The following ERC2 variants were observed in gnomAD, a reference collection of about 807,000 sequenced individuals.
The protein encoded by ERC2 is ERC protein 2.
A neutral mutation model predicts 114.8 loss-of-function variants in ERC2; 42 were observed. The ratio of observed to expected loss-of-function variants is 0.37; its 90% CI spans 0.29 to 0.47. ERC2 has a LOEUF of 0.47. Ranked by LOEUF, ERC2 falls within the 20% of genes least tolerant of loss-of-function variation. The pLI, the probability that ERC2 is intolerant of heterozygous loss-of-function variation, is 0.99. For missense variants in ERC2, 939 were observed against 1,150.7 expected (o/e 0.82, Z 2.66); for synonymous variants, 454 against 425.5 (o/e 1.07, Z -0.82).
intron 14 of ERC2, among the ~76,000 whole-genome samples, chr3:55,875,326 C>T (rs1300777656): frequency 2.0e-5 from 3 of 152,220 alleles, no homozygotes; most frequent in Non-Finnish European, 4.4e-5. Flanking sequence ...GTTATCATAA[C>T]TGCATGCTGG....
At chr3:55,718,076 T>A (rs1212663893) in intron 15 of ERC2, among the ~76,000 whole-genome samples, 1 of 152,172 alleles carries the variant, frequency 6.6e-6, no homozygotes, top group Non-Finnish European at 1.5e-5. Context: ...TCAGGCTTTT[T>A]TATGTGACCG....
intron 14 of ERC2, among the ~76,000 whole-genome samples, chr3:55,868,637 A>G (rs754455735): frequency 6.6e-6 from 1 of 152,126 alleles, no homozygotes; most frequent in Non-Finnish European, 1.5e-5. Context: ...ACACCATACC[A>G]TTCCATAATT....
intron 7 of ERC2, among the ~76,000 whole-genome samples, chr3:56,037,013 A>G (rs555728892): frequency 6.6e-6 from 1 of 152,330 alleles, no homozygotes; most frequent in African/African-American, 2.4e-5. Context: ...ACGTCAATAA[A>G]AAAGCCCCTA....
At chr3:55,800,582 G>A (rs2070965154) in intron 14 of ERC2, among the ~76,000 whole-genome samples, 1 of 152,018 alleles carries the variant, frequency 6.6e-6, no homozygotes. Flanking sequence ...AATGACACAA[G>A]ACCTAAGGTG....
At chr3:55,778,509 C>T (rs886167468) in intron 14 of ERC2, among the ~76,000 whole-genome samples, 1 of 152,032 alleles carries the variant, frequency 6.6e-6, no homozygotes, top group Non-Finnish European at 1.5e-5. Flanking sequence ...AATCCAGATG[C>T]TATAAAGGAA....
intron 4 of ERC2, among the ~76,000 whole-genome samples, chr3:56,155,031 GGAAGTTTCCAGAATAACA>G (rs1192170096): frequency 6.6e-6 from 1 of 152,174 alleles, no homozygotes; most frequent in Non-Finnish European, 1.5e-5. Context: ...GTGGCTACAT[GGAAGTTTCCAGAATAACA>G]GCTAAAACAC....
At chr3:56,137,755 G>C (rs1356907736) in intron 6 of ERC2, among the ~76,000 whole-genome samples, 1 of 152,186 alleles carries the variant, frequency 6.6e-6, no homozygotes, top group Non-Finnish European at 1.5e-5. Context: ...TTCTCTAGCT[G>C]TGCTGTCTAA....
chr3:56,266,381 C>T (rs1219314054), intron 3 of ERC2, among the ~76,000 whole-genome samples: 10 of 151,978 alleles, frequency 6.6e-5, no homozygotes, highest in African/African-American at 1.2e-4. Flanking sequence ...CCACCCGCCT[C>T]GGCCTCCCAA....
chr3:56,174,534 C>T (rs1181281178), intron 3 of ERC2, among the ~76,000 whole-genome samples: 1 of 152,160 alleles, frequency 6.6e-6, no homozygotes, highest in Non-Finnish European at 1.5e-5. Flanking sequence ...TAGTTCTAGA[C>T]TTTCAGAACC....
chr3:56,158,291 C>T (rs756017754), intron 4 of ERC2, among the ~76,000 whole-genome samples: 22 of 152,012 alleles, frequency 1.4e-4, no homozygotes, highest in Non-Finnish European at 2.6e-4. Flanking sequence ...CATTTATTAT[C>T]CCATAGACCT....
chr3:55,963,569 A>G (rs2068539622), intron 12 of ERC2, among the ~76,000 whole-genome samples: 1 of 152,180 alleles, frequency 6.6e-6, no homozygotes, highest in African/African-American at 2.4e-5. Flanking sequence ...CCCACCTCAT[A>G]TCTCCTCTTT....
At chr3:56,340,046 G>A (rs1398169041) in intron 2 of ERC2, among the ~76,000 whole-genome samples, 1 of 152,120 alleles carries the variant, frequency 6.6e-6, no homozygotes, top group East Asian at 1.9e-4. Context: ...GCATCACAAA[G>A]CATACTTTAT....
At chr3:56,245,563 A>G (rs924295860) in intron 3 of ERC2, among the ~76,000 whole-genome samples, 1 of 150,514 alleles carries the variant, frequency 6.6e-6, no homozygotes, top group African/African-American at 2.4e-5. Flanking sequence ...TAGTCATATG[A>G]TTATTATTTT....
intron 13 of ERC2, among the ~76,000 whole-genome samples, chr3:55,929,181 G>A (rs1189922108): frequency 6.6e-6 from 1 of 152,102 alleles, no homozygotes; most frequent in Non-Finnish European, 1.5e-5. Flanking sequence ...AAGCCACAGG[G>A]ACTGGGAAAA....
rs1560057093 is a variant in ERC2 at position 56,032,967 on chromosome 3, A to AAC, written c.1642-13937_1642-13936insGT. Among the ~76,000 whole-genome samples the AAC allele has an allele frequency of 2.7e-3, 276 of 103,406 alleles. 3 individuals are homozygous for AAC. The highest frequency in any genetic ancestry group is 7.4e-3 in the African/African-American group (214 of 28,830). 67.8% of individuals were successfully genotyped at this position (103,406 alleles called of 152,430 possible). On this transcript the variant is annotated intron_variant, in intron 7 of 17. Coordinates refer to ENST00000288221, the MANE Select transcript of ERC2 (RefSeq NM_015576.3). ...AGAAAGAAAGAAAGAAACAGAAAGA[A>AAC]AGAAAGAAAGAGAAAGAAAGAAAGA...
intron 13 of ERC2, among the ~76,000 whole-genome samples, chr3:55,907,657 C>T (rs1003218440): frequency 2.6e-5 from 4 of 152,168 alleles, no homozygotes; most frequent in Admixed American, 6.5e-5. Flanking sequence ...GAAACACAGA[C>T]GCTGAGTTTG....
chr3:55,899,793 A>G (rs2064036175), intron 13 of ERC2, among the ~76,000 whole-genome samples: 1 of 152,228 alleles, frequency 6.6e-6, no homozygotes. Context: ...TTCTAGGTTT[A>G]GGGATTTCAC....
In ERC2 at chr3:55,933,751, G is replaced by A. The variant is rs373491810; in HGVS notation, c.2403+16674C>T. Among the ~76,000 whole-genome samples, 11 of 152,308 alleles carry A rather than the reference G, an allele frequency of 7.2e-5. No individual in the cohort carries two copies. In the South Asian group the frequency reaches 1.7e-3, roughly 23 times the overall value. On this transcript the variant is annotated intron_variant, in intron 13 of 17. Coordinates refer to ENST00000288221, the MANE Select transcript of ERC2 (RefSeq NM_015576.3). ...CTCCTGTGGCCTCTGGACTGGAGAC[G>A]GTGTCCAGCCTCTCGATTTACAGGA... is the stretch of plus-strand genomic sequence containing the variant.
intron 10 of ERC2, among the ~76,000 whole-genome samples, chr3:56,006,348 C>T (rs1366672805): frequency 6.6e-6 from 1 of 152,006 alleles, no homozygotes; most frequent in Non-Finnish European, 1.5e-5. Context: ...AAATCCCCAT[C>T]CCGGTGTGTG....
Sources: gnomAD v4.1 joint callset for allele counts (sites outside exome capture counted in the v4.1 genomes callset) on GRCh38, gnomAD v4.1.1 for gene constraint, MANE v1.5 for transcripts, NCBI Gene and HGNC (gene_info 2026-07-23, HGNC 2026-07-21) for gene names.